The following FBN1 variants were observed in gnomAD, a reference collection of about 807,000 sequenced individuals.
FBN1 encodes fibrillin-1.
A neutral mutation model predicts 365.1 loss-of-function variants in FBN1; 29 were observed. That is an observed-to-expected ratio of 0.08 (90% confidence interval 0.06 to 0.11). FBN1 has a LOEUF of 0.11. Among genes scored for constraint, FBN1 ranks in the 10% least tolerant of loss-of-function variants. The probability of loss-of-function intolerance (pLI) is 1.00; values close to 1 mark genes in which losing one functional copy is unlikely to be tolerated. For synonymous variants in FBN1, 1,210 were observed against 1,270.5 expected (o/e 0.95, Z 1.01); for missense variants, 2,476 against 3,703.2 (o/e 0.67, Z 8.60).
intron 6 of FBN1, among the ~76,000 whole-genome samples, chr15:48,594,571 C>T (rs1220716246): frequency 1.3e-5 from 2 of 152,154 alleles, no homozygotes; most frequent in Non-Finnish European, 2.9e-5. Flanking sequence ...TAATTTAACC[C>T]ATTCAGGACA....
chr15:48,470,643 T>G lies in FBN1; in HGVS notation c.4450A>C (p.Asn1484His). ...IGYELDRSGG[N>H]CTDVNECLDP... ...CCAGTGGAGGTCTTACCTGTGCAGT[T>G]CCCGCCGCTTCTGTCCAGTTCGTAG... The change falls in exon 36 of 66, where the codon AAC becomes CAC. Residue 1484 changes from asparagine to histidine, a missense_variant. Physicochemically the swap from Asn to His is moderately conservative, Grantham distance 68. Coordinates refer to ENST00000316623, the MANE Select transcript of FBN1 (RefSeq NM_000138.5). The G allele has an allele frequency of 6.2e-7, 1 of 1,613,896 alleles. No individual in the cohort carries two copies. The highest frequency in any genetic ancestry group is 8.5e-7 in the Non-Finnish European group (1 of 1,179,996).
Position 48,488,443 on chromosome 15 carries a change from T to C in FBN1, c.3133A>G (p.Arg1045Gly), listed in dbSNP as rs1442659895. The C allele has an allele frequency of 6.2e-7, 1 of 1,614,226 alleles. No homozygotes were observed. Among genetic ancestry groups the C allele is most frequent in the Admixed American group, 1.7e-5 (1 of 60,032 alleles). The change falls in exon 26 of 66, where the codon AGA becomes GGA. Residue 1045 changes from arginine to glycine, a missense_variant. By Grantham distance (125) the Arg-to-Gly change is moderately radical. This residue lies in a region of FBN1 where 1,780 missense variants were observed against 2,840.8 expected (regional missense o/e 0.63). Coordinates refer to ENST00000316623, the MANE Select transcript of FBN1 (RefSeq NM_000138.5). Reference sequence around the variant, plus strand: ...CACTTAAAGCTGCCAATGGTGTTTCTGCACTTGCCGTGGGTGCAGAGGCTG... The same window carrying C: ...CACTTAAAGCTGCCAATGGTGTTTCCGCACTTGCCGTGGGTGCAGAGGCTG... ...IPSLCTHGKC[R>G]NTIGSFKCRC...
In FBN1 at chr15:48,465,772, C is replaced by G. The variant is rs371879998; in HGVS notation, c.4816+18G>C. ...AATTCAAGTTGTGTGTGCTTTAAGA[C>G]AAAGGAAACACAATTACCTTCCAAT... On this transcript the variant is annotated intron_variant, in intron 39 of 65. Transcript: ENST00000316623. 1.2e-6 allele frequency: 2 copies of G among 1,611,558 alleles called. No individual in the cohort carries two copies. The highest frequency in any genetic ancestry group is 2.7e-5 in the African/African-American group (2 of 74,840).
chr15:48,558,334 T>C (rs1361427784), intron 6 of FBN1, among the ~76,000 whole-genome samples: 1 of 152,206 alleles, frequency 6.6e-6, no homozygotes, highest in African/African-American at 2.4e-5. Flanking sequence ...TAGCATAAGG[T>C]TTAGTTTTAG....
intron 8 of FBN1, among the ~76,000 whole-genome samples, chr15:48,527,856 C>T (rs2043927987): frequency 6.6e-6 from 1 of 152,218 alleles, no homozygotes; most frequent in Non-Finnish European, 1.5e-5. Flanking sequence ...TCTATTCTGA[C>T]AGATAGAAAT....
chr15:48,550,517 G>A (rs1428554524), intron 6 of FBN1, among the ~76,000 whole-genome samples: 1 of 151,964 alleles, frequency 6.6e-6, no homozygotes, highest in Admixed American at 6.6e-5. Flanking sequence ...TACTGCTTTA[G>A]TGTAGACCCT....
At chr15:48,479,081 G>C (rs748150424) in intron 32 of FBN1, among the ~76,000 whole-genome samples, 11 of 152,024 alleles carry the variant, frequency 7.2e-5, no homozygotes, top group Non-Finnish European at 1.0e-4. Context: ...TATCCAATTA[G>C]GCAAGATACC....
intron 2 of FBN1, among the ~76,000 whole-genome samples, chr15:48,625,563 C>T (rs1049909402): frequency 2.0e-5 from 3 of 152,156 alleles, no homozygotes; most frequent in African/African-American, 7.2e-5. Context: ...TCCACAGGTC[C>T]ATGAATCAGA....
chr15:48,493,918 T>C (rs537596236), intron 23 of FBN1, among the ~76,000 whole-genome samples: 2 of 152,324 alleles, frequency 1.3e-5, no homozygotes, highest in Admixed American at 6.5e-5. Flanking sequence ...ACTTCCTGTT[T>C]TTCTCTTCCT....
chr15:48,470,521 C>T (rs757465035), intron 36 of FBN1, 113 bp downstream of exon 36: 326 of 1,393,044 alleles, frequency 2.3e-4, no homozygotes, highest in Non-Finnish European at 3.1e-4. Context: ...TTAATACTTC[C>T]CCCTTGCTTT....
intron 38 of FBN1, 139 bp downstream of exon 38, chr15:48,467,799 G>T: frequency 1.3e-6 from 1 of 796,962 alleles, no homozygotes; most frequent in Non-Finnish European, 2.2e-6. Context: ...CTCTCGAATT[G>T]GGAATAAGGT....
intron 60 of FBN1, among the ~76,000 whole-genome samples, chr15:48,423,860 G>A (rs866750874): frequency 6.6e-6 from 1 of 152,294 alleles, no homozygotes; most frequent in Middle Eastern, 3.4e-3. Flanking sequence ...AGTTGTGAGT[G>A]GACATGTAAA....
chr15:48,505,854 T>A (rs1241868177), intron 15 of FBN1, among the ~76,000 whole-genome samples: 2 of 151,642 alleles, frequency 1.3e-5, no homozygotes, highest in African/African-American at 2.4e-5. Flanking sequence ...TAGCAGAGGG[T>A]TTTTTCCCCC....
At chr15:48,571,328 C>T (rs2044304103) in intron 6 of FBN1, among the ~76,000 whole-genome samples, 1 of 151,992 alleles carries the variant, frequency 6.6e-6, no homozygotes, top group African/African-American at 2.4e-5. Context: ...TACAACAAAT[C>T]CAAATTAGAT....
At chr15:48,597,288 C>A (rs1298057447) in intron 5 of FBN1, among the ~76,000 whole-genome samples, 1 of 152,232 alleles carries the variant, frequency 6.6e-6, no homozygotes, top group Non-Finnish European at 1.5e-5. Flanking sequence ...CAGACCACTT[C>A]CAGCTGCTGT....
intron 6 of FBN1, among the ~76,000 whole-genome samples, chr15:48,550,330 C>G (rs925269464): frequency 2.0e-5 from 3 of 152,160 alleles, no homozygotes; most frequent in African/African-American, 7.2e-5. Context: ...AGACTTGCTC[C>G]TCCCACACTT....
At chr15:48,422,733 CTGATCA>C (rs1317247874) in intron 60 of FBN1, among the ~76,000 whole-genome samples, 3 of 152,176 alleles carry the variant, frequency 2.0e-5, no homozygotes, top group African/African-American at 7.2e-5. Flanking sequence ...CCAAGGCAGG[CTGATCA>C]CTTTGAGCTC....
At chr15:48,470,859 G>A in intron 35 of FBN1, 103 bp from the exon 36 acceptor site, 1 of 1,326,038 alleles carries the variant, frequency 7.5e-7, no homozygotes, top group Non-Finnish European at 1.1e-6. Context: ...AGAAAATGCA[G>A]AGTATCTAAC....
At chr15:48,453,772 C>A (rs906189654) in intron 44 of FBN1, among the ~76,000 whole-genome samples, 7 of 151,072 alleles carry the variant, frequency 4.6e-5, no homozygotes, top group African/African-American at 1.5e-4. Flanking sequence ...TATGATAAAT[C>A]TTTGTGCCTT....
Sources: allele counts gnomAD v4.1 joint callset (sites outside exome capture counted in the v4.1 genomes callset), GRCh38; gene constraint gnomAD v4.1.1; regional missense constraint gnomAD v4.1.1; transcripts MANE v1.5; gene names NCBI Gene and HGNC (gene_info 2026-07-23, HGNC 2026-07-21).